Variants in RNF157 observed in about 807,000 individuals in gnomAD.
RNF157 encodes the protein E3 ubiquitin ligase RNF157.
In RNF157, 55 loss-of-function variants were observed where a neutral mutation model predicts 88.3. The observed-to-expected ratio is 0.62, with a 90% CI of 0.50 to 0.78. RNF157 has a LOEUF of 0.78. Ranked by LOEUF, RNF157 falls within the 30% of genes least tolerant of loss-of-function variation. RNF157 has a pLI of 0.00. For synonymous variants in RNF157, 334 were observed against 341.2 expected (o/e 0.98, Z 0.23); for missense variants, 788 against 860.8 (o/e 0.92, Z 1.06).
At position 76,175,986 on chromosome 17, in the gene RNF157, C is replaced by T. The variant is rs147702513; in HGVS notation, c.208-2196G>A. Among the ~76,000 whole-genome samples, 432 of 152,312 alleles carry T rather than the reference C, an allele frequency of 2.8e-3. 4 individuals carry two copies. Among genetic ancestry groups the T allele is most frequent in the African/African-American group, 9.8e-3 (407 of 41,556 alleles). On this transcript the variant is annotated intron_variant, in intron 2 of 18. Coordinates refer to ENST00000269391, the MANE Select transcript of RNF157 (RefSeq NM_052916.3). ...TATAAATCCACCCCTATACTTTAGG[C>T]TCTCCCTGTACACACACATACACGC...
chr17:76,174,819 C>T (rs1175786299), intron 2 of RNF157, among the ~76,000 whole-genome samples: 1 of 152,210 alleles, frequency 6.6e-6, no homozygotes, highest in Non-Finnish European at 1.5e-5. Flanking sequence ...TTATAATTCA[C>T]AGGTATGAAT....
At chr17:76,185,006 C>T (rs12938489) in intron 2 of RNF157, among the ~76,000 whole-genome samples, 15,435 of 152,156 alleles carry the variant, frequency 0.1, 984 homozygotes, top group African/African-American at 0.17. Context: ...GATAAGGGTA[C>T]GAAAAACCTA....
chr17:76,227,565 G>A (rs939719382), intron 1 of RNF157, among the ~76,000 whole-genome samples: 1 of 151,988 alleles, frequency 6.6e-6, no homozygotes, highest in Non-Finnish European at 1.5e-5. Flanking sequence ...TAAATAATCT[G>A]TCCAAGGTCA....
At chr17:76,237,867 G>A (rs140541212) in intron 1 of RNF157, among the ~76,000 whole-genome samples, 70 of 152,170 alleles carry the variant, frequency 4.6e-4, no homozygotes, top group Middle Eastern at 6.8e-3. Flanking sequence ...GATCACCTGA[G>A]AGGTCAGGAG....
intron 2 of RNF157, among the ~76,000 whole-genome samples, chr17:76,211,067 A>T (rs1314610857): frequency 6.6e-6 from 1 of 152,166 alleles, no homozygotes; most frequent in Non-Finnish European, 1.5e-5. Context: ...GGCCTCCCAA[A>T]GTGCTGGGAT....
intron 1 of RNF157, among the ~76,000 whole-genome samples, chr17:76,223,091 C>G (rs536003582): frequency 6.6e-6 from 1 of 151,770 alleles, no homozygotes; most frequent in Non-Finnish European, 1.5e-5. Flanking sequence ...GGGGTTTCAC[C>G]GTGTTAGCCA....
At chr17:76,157,000 T>C (rs35777038) in intron 13 of RNF157, among the ~76,000 whole-genome samples, 17,934 of 151,444 alleles carry the variant, frequency 0.12, 2,072 homozygotes, top group African/African-American at 0.3. Context: ...CTCGCTCTGT[T>C]GCCCAGCCCA....
chr17:76,185,629 C>T (rs533633539), intron 2 of RNF157, among the ~76,000 whole-genome samples: 1 of 151,886 alleles, frequency 6.6e-6, no homozygotes, highest in South Asian at 2.1e-4. Flanking sequence ...GCTACCACGC[C>T]CGGCTAATTT....
rs1452034069 is a variant in RNF157 at position 76,176,418 on chromosome 17, A to T, written c.208-2628T>A. Among the ~76,000 whole-genome samples, 3 of 152,140 alleles carry T rather than the reference A, an allele frequency of 2.0e-5. No homozygotes were observed. The highest frequency in any genetic ancestry group is 2.4e-5 in the African/African-American group (1 of 41,416). ...GGGACAGTAGGATCAGAGGCAAATT[A>T]AAAAAAATTTTTTTTCTGCTCTTAG... On this transcript the variant is annotated intron_variant, in intron 2 of 18. Transcript: ENST00000269391. This position sits in a 1 kb window ranked among gnomAD's most constrained non-coding sequence, Gnocchi z 4.2.
chr17:76,210,418 G>C (rs559185092), intron 2 of RNF157, among the ~76,000 whole-genome samples: 4 of 151,366 alleles, frequency 2.6e-5, no homozygotes, highest in East Asian at 3.9e-4. Context: ...GTGAAACCCC[G>C]TCTCTACTAA....
chr17:76,157,411 C>A lies in RNF157; in HGVS notation c.1413+982G>T, dbSNP rs988470567. The stretch of plus-strand genomic sequence containing the variant: ...GCCCCTGGCTTGCTCCGAGCCCCGA[C>A]TTCCTGCTCTGTGCCTTTGCATGCA... On this transcript the variant is annotated intron_variant, in intron 13 of 18. Transcript: ENST00000269391. The surrounding 1 kb of genome is among the most constrained non-coding windows in gnomAD (Gnocchi z 5.6). 2.8e-4 allele frequency among the ~76,000 whole-genome samples: 42 copies of A among 152,362 alleles called. No homozygotes were observed. The highest frequency in any genetic ancestry group is 9.9e-4 in the African/African-American group (41 of 41,586).
chr17:76,212,161 A>G (rs1359644984), intron 2 of RNF157: 1 of 502,426 alleles, frequency 2.0e-6, no homozygotes, highest in Admixed American at 3.2e-5. Context: ...CCTCTCCCTC[A>G]CAAGACTCCA....
intron 2 of RNF157, chr17:76,175,743 C>T (rs2069092390): frequency 1.0e-6 from 1 of 984,824 alleles, no homozygotes; most frequent in Non-Finnish European, 1.2e-6. Context: ...ATCCATAACT[C>T]CTACCTGCAT....
At position 76,161,548 on chromosome 17, in the gene RNF157, G is replaced by C; in HGVS notation, c.1052C>G (p.Ser351Cys). 1 of 1,613,944 alleles carries C rather than the reference G, an allele frequency of 6.2e-7. No homozygotes were observed. The highest frequency in any genetic ancestry group is 1.7e-4 in the Middle Eastern group (1 of 6,058). Residue 351 changes from serine (S) to cysteine (C), a missense_variant, in exon 11 of 19, where the codon TCT (serine) becomes TGT (cysteine). Coordinates refer to ENST00000269391, the MANE Select transcript of RNF157 (RefSeq NM_052916.3). The surrounding 1 kb of genome is among the most constrained non-coding windows in gnomAD (Gnocchi z 4.6). ...NPIISSQTSD[S>C]EEHPSSENIP... ...AGCCCAACTTACTGGATGCTCTTCA[G>C]AGTCAGATGTCTGGGATGAGATGAT...
rs572603122 is a variant in RNF157, at chr17:76,235,022, A to G, written c.88+5131T>C. ...TGTTCCACTGATCTATATGCTCTTC[A>G]TTGTGCCAATACCACACTATCTTGA... On this transcript the variant is annotated intron_variant, in intron 1 of 18. Transcript: ENST00000269391. Among the ~76,000 whole-genome samples, 92 of 152,314 alleles carry G rather than the reference A, an allele frequency of 6.0e-4. 1 individual carries two copies. The highest frequency in any genetic ancestry group is 3.4e-3 in the Middle Eastern group (1 of 294).
intron 2 of RNF157, among the ~76,000 whole-genome samples, chr17:76,189,489 T>C (rs1057032097): frequency 6.6e-6 from 1 of 152,182 alleles, no homozygotes; most frequent in Non-Finnish European, 1.5e-5. Flanking sequence ...ATCAGTGAAA[T>C]GAGCTCCATA....
intron 1 of RNF157, among the ~76,000 whole-genome samples, chr17:76,227,255 G>T (rs942782633): frequency 2.6e-5 from 4 of 151,662 alleles, no homozygotes; most frequent in Non-Finnish European, 5.9e-5. Context: ...CAAGTATCTG[G>T]GACTACAGGC....
At chr17:76,193,252 A>C (rs2069416337) in intron 2 of RNF157, among the ~76,000 whole-genome samples, 1 of 152,242 alleles carries the variant, frequency 6.6e-6, no homozygotes, top group African/African-American at 2.4e-5. Context: ...AAATGTTTTG[A>C]AAACCATACA....
At chr17:76,174,281 C>T (rs1304584123) in intron 2 of RNF157, among the ~76,000 whole-genome samples, 1 of 152,102 alleles carries the variant, frequency 6.6e-6, no homozygotes, top group African/African-American at 2.4e-5. Flanking sequence ...AGTTTGCAAA[C>T]AGTAAAGAAC....
Sources: allele counts gnomAD v4.1 joint callset (sites outside exome capture counted in the v4.1 genomes callset), GRCh38; gene constraint gnomAD v4.1.1; non-coding constraint Gnocchi (gnomAD v3.1); transcripts MANE v1.5; gene names NCBI Gene and HGNC (gene_info 2026-07-23, HGNC 2026-07-21).